The following ACVRL1 variants were observed in gnomAD, a reference collection of about 807,000 sequenced individuals.
The protein encoded by ACVRL1 is activin A receptor like type 1.
ACVRL1 carries 20 observed loss-of-function variants against 51.9 expected under a neutral mutation model. The observed-to-expected ratio is 0.39, with a 90% CI of 0.27 to 0.56. The LOEUF (loss-of-function observed/expected upper bound fraction) is 0.56. ACVRL1 is among the 20% of genes least tolerant of loss of function. The pLI is 0.67. For missense variants in ACVRL1, 451 were observed against 670.3 expected (o/e 0.67, Z 3.61); for synonymous variants, 288 against 280.9 (o/e 1.03, Z -0.25).
intron 1 of ACVRL1, among the ~76,000 whole-genome samples, chr12:51,908,543 C>G (rs1164035369): frequency 6.6e-6 from 1 of 152,026 alleles, no homozygotes; most frequent in Admixed American, 6.5e-5. Context: ...TAATCCTGGC[C>G]GCAACCTAGT....
rs1463725277 is a variant in ACVRL1 at position 51,915,442 on chromosome 12, C to T, written c.990C>T (p.Asp330=). The T allele has an allele frequency of 1.9e-6, 3 of 1,613,580 alleles. No individual in the cohort carries two copies. Among genetic ancestry groups the T allele is most frequent in the Middle Eastern group, 1.7e-4 (1 of 5,764 alleles). The part of the protein sequence containing the change: ...TQGKPAIAHR[D]FKSRNVLVKS... ...GCAAACCAGCCATTGCCCACCGCGA[C>T]TTCAAGAGCCGCAATGTGCTGGTCA... Residue 330 remains aspartate (D), a synonymous_variant, in exon 7 of 10, where the codon GAC becomes GAT. Transcript: ENST00000388922.
At chr12:51,915,673 C>A in intron 7 of ACVRL1, 173 bp downstream of exon 7, 1 of 924,400 alleles carries the variant, frequency 1.1e-6, no homozygotes, top group Non-Finnish European at 1.6e-6. Flanking sequence ...CTTTTCAAAC[C>A]CAGATTCCTT....
At position 51,912,606 on chromosome 12, in the gene ACVRL1, T is replaced by A; in HGVS notation, c.61+71T>A. 7 of 1,328,848 alleles carry A rather than the reference T, an allele frequency of 5.3e-6. No homozygotes were observed. In the South Asian group the frequency reaches 8.4e-5, roughly 16 times the overall value. The allele number at this position is 1,328,848 out of a possible 1,614,324, so 82.3% of individuals were successfully genotyped here. A position where few individuals can be genotyped will look rare whatever the true frequency, so the allele number is the denominator to read the frequency against. ...AAGGGCTATCTGGGCCCAGATCAGC[T>A]CTGCCTGGGGCTGAACTTGAGAAGC... is the stretch of plus-strand genomic sequence containing the variant. On this transcript the variant is annotated intron_variant, in intron 2 of 9. Coordinates refer to ENST00000388922, the MANE Select transcript of ACVRL1 (RefSeq NM_000020.3).
chr12:51,916,512 A>C (rs1592225292), intron 8 of ACVRL1, among the ~76,000 whole-genome samples: 1 of 152,382 alleles, frequency 6.6e-6, no homozygotes, highest in Middle Eastern at 3.4e-3. Flanking sequence ...AATATGTGCC[A>C]GATGCCATGC....
chr12:51,914,418 A>C lies in ACVRL1; in HGVS notation c.626-21A>C, dbSNP rs767803404. On this transcript the variant is annotated intron_variant, in intron 5 of 9. Coordinates refer to ENST00000388922, the MANE Select transcript of ACVRL1 (RefSeq NM_000020.3). The stretch of plus-strand genomic sequence containing the variant: ...TCTGTGTGCCCAGTGTGTAACCCTC[A>C]CCTTCCCCTCTGGCCATCAGGAAAA... 1.9e-6 allele frequency: 3 copies of C among 1,614,082 alleles called. No homozygotes were observed. The South Asian group carries it at 3.3e-5, about 18-fold the overall frequency.
At chr12:51,916,348 C>A (rs1940842042) in intron 8 of ACVRL1, 115 bp downstream of exon 8, 7 of 1,128,020 alleles carry the variant, frequency 6.2e-6, no homozygotes, top group Non-Finnish European at 8.8e-6. Context: ...CCTCCTGGCA[C>A]CCCTTCCATG....
In ACVRL1 at chr12:51,920,931, T is replaced by TGGGGGGGGG; in HGVS notation, c.*45_*46insGGGGGGGGG. ...TGATTCCTTTCTGCCTGCAGGGGGC[T>TGGGGGGGGG]GGGGGGGTGGGGGGCAGTGGATGGT... On this transcript the variant is annotated 3_prime_UTR_variant, in exon 10 of 10. Transcript: ENST00000388922. 5.4e-5 allele frequency: 11 copies of TGGGGGGGGG among 203,002 alleles called. No homozygotes were observed. The highest frequency in any genetic ancestry group is 1.4e-4 in the East Asian group (1 of 7,388). The allele number at this position is 203,002 out of a possible 1,614,324, so 12.6% of individuals were successfully genotyped here.
chr12:51,912,358 C>T (rs547372053), intron 1 of ACVRL1, 112 bp from the exon 2 acceptor site: 11 of 1,248,724 alleles, frequency 8.8e-6, no homozygotes, highest in African/African-American at 7.4e-5. Flanking sequence ...GGCGGCCTCC[C>T]TGCCTCCCCT....
chr12:51,920,561 G>A (rs1338811457), intron 9 of ACVRL1, among the ~76,000 whole-genome samples, 198 bp from the exon 10 acceptor site: 2 of 150,452 alleles, frequency 1.3e-5, no homozygotes, highest in Non-Finnish European at 1.5e-5. Flanking sequence ...CTTTCCTCTC[G>A]CTCTCCTTTC....
chr12:51,919,415 G>A (rs1261867757), intron 9 of ACVRL1: 1 of 444,468 alleles, frequency 2.2e-6, no homozygotes, highest in African/African-American at 2.0e-5. Flanking sequence ...TTGAGAGTCA[G>A]GGTTTTGTTT....
chr12:51,914,626 C>T (rs775470097), intron 6 of ACVRL1, 41 bp downstream of exon 6: 1 of 1,585,896 alleles, frequency 6.3e-7, no homozygotes, highest in Non-Finnish European at 8.6e-7. Flanking sequence ...GGGGCTTTGC[C>T]CCCCTGCACT....
At position 51,921,995 on chromosome 12, in the gene ACVRL1, G is replaced by A. The variant is rs1236260491; in HGVS notation, c.*1102G>A. The A allele has an allele frequency of 2.0e-5, 3 of 152,210 alleles. No homozygotes were observed. The East Asian group carries it at 5.8e-4, about 29-fold the overall frequency. 9.4% of individuals were successfully genotyped at this position (152,210 alleles called of 1,614,324 possible). A position where few individuals can be genotyped will look rare whatever the true frequency, so the allele number is the denominator to read the frequency against. ...GTTCCACCTACCTCAGCCTCCCAAA[G>A]TGCTGGGGTTACAGGTGTGAGCCAT... On this transcript the variant is annotated 3_prime_UTR_variant, in exon 10 of 10. Transcript: ENST00000388922.
intron 8 of ACVRL1, among the ~76,000 whole-genome samples, chr12:51,916,904 G>A (rs1940852513): frequency 6.6e-6 from 1 of 152,198 alleles, no homozygotes; most frequent in Non-Finnish European, 1.5e-5. Flanking sequence ...AATCTAGGAG[G>A]CAGAGGTTGC....
chr12:51,914,380 G>A (rs537246355), intron 5 of ACVRL1, 59 bp from the exon 6 acceptor site: 3 of 1,610,678 alleles, frequency 1.9e-6, no homozygotes, highest in Non-Finnish European at 2.5e-6. Flanking sequence ...AAGATGGGGG[G>A]CTCTTCCAGG....
chr12:51,917,514 A>T lies in ACVRL1; in HGVS notation c.1246+1281A>T, dbSNP rs1940868316. Among the ~76,000 whole-genome samples the T allele has an allele frequency of 6.6e-6, 1 of 152,108 alleles. No homozygotes were observed. Among genetic ancestry groups the T allele is most frequent in the Non-Finnish European group, 1.5e-5 (1 of 68,018 alleles). ...CTGTCCATGGTGAGGGACTTCCAGG[A>T]GTCGTGACAGGTTGGGGACAATCCT... On this transcript the variant is annotated intron_variant, in intron 8 of 9. Transcript: ENST00000388922. This position sits in a 1 kb window ranked among gnomAD's most constrained non-coding sequence, Gnocchi z 4.2.
In ACVRL1 at chr12:51,921,002, TG is replaced by T; in HGVS notation, c.*112del. On this transcript the variant is annotated 3_prime_UTR_variant, in exon 10 of 10. Transcript: ENST00000388922. ...GTGTGAGTGTGGTGTGTGCTGGGGA[TG>T]GGCAGCTGCGCCTGCCTGCTCGGCC... 2 of 1,343,020 alleles carry T rather than the reference TG, an allele frequency of 1.5e-6. No individual in the cohort carries two copies. The highest frequency in any genetic ancestry group is 2.1e-6 in the Non-Finnish European group (2 of 972,386). 83.2% of individuals were successfully genotyped at this position (1,343,020 alleles called of 1,614,324 possible).
intron 9 of ACVRL1, among the ~76,000 whole-genome samples, chr12:51,919,785 GAC>G (rs368178099): frequency 2.0e-5 from 3 of 152,046 alleles, no homozygotes; most frequent in Non-Finnish European, 2.9e-5. Flanking sequence ...CTTGTACAAA[GAC>G]ACACACACGT....
chr12:51,919,890 G>A (rs185731917), intron 9 of ACVRL1, among the ~76,000 whole-genome samples: 1 of 152,276 alleles, frequency 6.6e-6, no homozygotes, highest in Non-Finnish European at 1.5e-5. Context: ...GCCCCGTGAG[G>A]ACAAAGAACG....
chr12:51,920,943 G>GGGGGCCC lies in ACVRL1; in HGVS notation c.*52_*53insGGCCCGG. The GGGGGCCC allele has an allele frequency of 1.2e-6, 1 of 860,108 alleles. No individual in the cohort carries two copies. Among genetic ancestry groups the GGGGGCCC allele is most frequent in the Non-Finnish European group, 1.9e-6 (1 of 533,156 alleles). 53.3% of individuals were successfully genotyped at this position (860,108 alleles called of 1,614,324 possible). A position where few individuals can be genotyped will look rare whatever the true frequency, so the allele number is the denominator to read the frequency against. ...GCCTGCAGGGGGCTGGGGGGGTGGG[G>GGGGGCCC]GGCAGTGGATGGTGCCCTATCTGGG... is the stretch of plus-strand genomic sequence containing the variant. On this transcript the variant is annotated 3_prime_UTR_variant, in exon 10 of 10. Coordinates refer to ENST00000388922, the MANE Select transcript of ACVRL1 (RefSeq NM_000020.3).
Sources: allele counts gnomAD v4.1 joint callset (sites outside exome capture counted in the v4.1 genomes callset), GRCh38; gene constraint gnomAD v4.1.1; non-coding constraint Gnocchi (gnomAD v3.1); transcripts MANE v1.5; gene names NCBI Gene and HGNC (gene_info 2026-07-23, HGNC 2026-07-21).